The following ERVW-1 variants were observed in gnomAD, a reference collection of about 807,000 sequenced individuals.
The protein encoded by ERVW-1 is syncytin-1.
In ERVW-1, 21 loss-of-function variants were observed where a neutral mutation model predicts 16.6. The observed-to-expected ratio is 1.26, with a 90% CI of 0.90 to 1.82. ERVW-1 has a LOEUF of 1.82. Ranked by LOEUF, ERVW-1 falls within the 40% of genes most tolerant of loss-of-function variation. The pLI, the probability that ERVW-1 is intolerant of heterozygous loss-of-function variation, is 0.00. For missense variants in ERVW-1, 412 were observed against 300.2 expected (o/e 1.37, Z -2.75); for synonymous variants, 161 against 109.8 (o/e 1.47, Z -2.92).
In ERVW-1 at chr7:92,470,464, C is replaced by G. The variant is rs893003193; in HGVS notation, c.-83G>C. The G allele has an allele frequency of 1.6e-6, 1 of 608,076 alleles. No individual in the cohort carries two copies. Among genetic ancestry groups the G allele is most frequent in the African/African-American group, 1.9e-5 (1 of 53,814 alleles). 37.7% of individuals were successfully genotyped at this position (608,076 alleles called of 1,614,324 possible). On this transcript the variant is annotated 5_prime_UTR_variant, in exon 2 of 2. Coordinates refer to ENST00000603053, the MANE Select transcript of ERVW-1 (RefSeq NM_001130925.2). ...ATCCTCTAGAGGTTCACAGGAATAGCTAGCGTTGTCTCCTGGATTTTCAGG... is the reference window on the plus strand; with the variant it reads ...ATCCTCTAGAGGTTCACAGGAATAGGTAGCGTTGTCTCCTGGATTTTCAGG...
In ERVW-1 at chr7:92,468,757, C is replaced by T. The variant is rs56301816; in HGVS notation, c.*8G>A. 0.018 allele frequency: 12,884 copies of T among 710,740 alleles called. 157 individuals are homozygous for T. Among genetic ancestry groups the T allele is most frequent in the Non-Finnish European group, 0.024 (9,480 of 392,048 alleles). 44.0% of individuals were successfully genotyped at this position (710,740 alleles called of 1,614,324 possible). A position where few individuals can be genotyped will look rare whatever the true frequency, so the allele number is the denominator to read the frequency against. On this transcript the variant is annotated 3_prime_UTR_variant, in exon 2 of 2. Coordinates refer to ENST00000603053, the MANE Select transcript of ERVW-1 (RefSeq NM_001130925.2). ...AAGTGCTGTTGGGGAGGTTGGCCGA[C>T]GACCGCTCTAACTGCTTCCTGCTGA... is the stretch of plus-strand genomic sequence containing the variant.
Position 92,468,659 on chromosome 7 carries a change from T to C in ERVW-1, c.*106A>G, listed in dbSNP as rs1027969518. On this transcript the variant is annotated 3_prime_UTR_variant, in exon 2 of 2. Transcript: ENST00000603053. ...GATGTGGTCACCTTCCCAGCTAGGC[T>C]TAGGGATTCTTAGTCAGCCTAGGAA... The C allele has an allele frequency of 2.5e-4, 153 of 606,524 alleles. No individual in the cohort carries two copies. The highest frequency in any genetic ancestry group is 2.4e-3 in the African/African-American group (132 of 54,690). The allele number at this position is 606,524 out of a possible 1,614,324, so 37.6% of individuals were successfully genotyped here.
At chr7:92,476,181 C>A (rs953700208) in intron 1 of ERVW-1, among the ~76,000 whole-genome samples, 1 of 152,212 alleles carries the variant, frequency 6.6e-6, no homozygotes, top group Admixed American at 6.5e-5. Flanking sequence ...GTTGGAGTTA[C>A]ATTACCTTTT....
In ERVW-1 at chr7:92,470,174, G is replaced by A. The variant is rs140717743; in HGVS notation, c.208C>T (p.Arg70Cys). The A allele has an allele frequency of 1.4e-5, 11 of 777,322 alleles. No individual in the cohort carries two copies. The highest frequency in any genetic ancestry group is 3.5e-4 in the Middle Eastern group (1 of 2,822). 48.2% of individuals were successfully genotyped at this position (777,322 alleles called of 1,614,324 possible). A position where few individuals can be genotyped will look rare whatever the true frequency, so the allele number is the denominator to read the frequency against. The change falls in exon 2 of 2, where the codon CGC (arginine) becomes TGC (cysteine). Residue 70 changes from arginine to cysteine, a missense_variant. Arg to Cys is a radical substitution (Grantham distance 180). Coordinates refer to ENST00000603053, the MANE Select transcript of ERVW-1 (RefSeq NM_001130925.2). The stretch of plus-strand genomic sequence containing the variant: ...AGAGTGGCAGAGTGATAGCAGTTGC[G>A]GGGCATATGGGTGTGGGCAGTGAAG... ...PTFTAHTHMP[R>C]NCYHSATLCM...
rs138779740 is a variant in ERVW-1, at chr7:92,470,306, G to A, written c.76C>T (p.Arg26Cys). Reference sequence around the variant, plus strand: ...TAAGGGGAGCTACTGGTCATACAGCGGCATGGAGGGGGTGCAGTGAGAGTG... The same window carrying A: ...TAAGGGGAGCTACTGGTCATACAGCAGCATGGAGGGGGTGCAGTGAGAGTG... ...SFTLTAPPPC[R>C]CMTSSSPYQE... Residue 26 changes from arginine (R) to cysteine (C), a missense_variant, in exon 2 of 2, where the codon CGC (arginine) becomes TGC (cysteine). By Grantham distance (180) the Arg-to-Cys change is radical. Transcript: ENST00000603053. The A allele has an allele frequency of 1.2e-3, 937 of 776,796 alleles. No homozygotes were observed. Among genetic ancestry groups the A allele is most frequent in the Non-Finnish European group, 1.8e-3 (737 of 417,066 alleles). 48.1% of individuals were successfully genotyped at this position (776,796 alleles called of 1,614,324 possible).
rs770119717 is a variant in ERVW-1 at position 92,469,178 on chromosome 7, C to G, written c.1204G>C (p.Glu402Gln). The stretch of plus-strand genomic sequence containing the variant: ...TGATTAACATAATAACAGCATTCTT[C>G]CCCTAAAAATAAACAGGTTCCCCCT... ...ERGGTCLFLG[E>Q]ECCYYVNQSG... The change falls in exon 2 of 2, where the codon GAA becomes CAA. Residue 402 changes from glutamate (E) to glutamine (Q), a missense_variant. Physicochemically the swap from Glu to Gln is conservative, Grantham distance 29 (BLOSUM62 2). Coordinates refer to ENST00000603053, the MANE Select transcript of ERVW-1 (RefSeq NM_001130925.2). 78 of 717,550 alleles carry G rather than the reference C, an allele frequency of 1.1e-4. 1 individual carries two copies. The highest frequency in any genetic ancestry group is 1.1e-3 in the Middle Eastern group (3 of 2,774). The allele number at this position is 717,550 out of a possible 1,614,324, so 44.4% of individuals were successfully genotyped here. A position where few individuals can be genotyped will look rare whatever the true frequency, so the allele number is the denominator to read the frequency against.
intron 1 of ERVW-1, 60 bp from the exon 2 acceptor site, chr7:92,470,668 A>T: frequency 3.4e-6 from 1 of 290,676 alleles, no homozygotes; most frequent in Non-Finnish European, 6.8e-6. Context: ...AGGGTGGAAT[A>T]GTTCTTTTCC....
At chr7:92,471,576 C>T (rs1048199079) in intron 1 of ERVW-1, 1 of 152,154 alleles carries the variant, frequency 6.6e-6, no homozygotes, top group African/African-American at 2.4e-5. Flanking sequence ...CTTGGTTTCC[C>T]GGAGGGGATT....
chr7:92,474,808 A>G (rs979375066), intron 1 of ERVW-1: 1 of 152,046 alleles, frequency 6.6e-6, no homozygotes, highest in Admixed American at 6.6e-5. Context: ...GTCTGTTTTT[A>G]TTTGCTTTAA....
intron 1 of ERVW-1, among the ~76,000 whole-genome samples, chr7:92,476,737 G>T (rs1190645677): frequency 1.3e-5 from 2 of 151,788 alleles, no homozygotes; most frequent in Non-Finnish European, 2.9e-5. Flanking sequence ...CAAACTTGGG[G>T]CCCTGGCAAG....
rs759544433 is a variant in ERVW-1, at chr7:92,469,481, T to A, written c.901A>T (p.Thr301Ser). 7 of 768,930 alleles carry A rather than the reference T, an allele frequency of 9.1e-6. No individual in the cohort carries two copies. The allele number at this position is 768,930 out of a possible 1,614,324, so 47.6% of individuals were successfully genotyped here. A position where few individuals can be genotyped will look rare whatever the true frequency, so the allele number is the denominator to read the frequency against. The change falls in exon 2 of 2, where the codon ACT (threonine) becomes TCT (serine). Residue 301 changes from threonine to serine, a missense_variant. Physicochemically the swap from Thr to Ser is moderately conservative, Grantham distance 58 (BLOSUM62 1). Coordinates refer to ENST00000603053, the MANE Select transcript of ERVW-1 (RefSeq NM_001130925.2). ...ACATAACTGTATAAATCTTGTTCAGTGTAGATGGTCATAGGGGGCACTAAG... is the reference window on the plus strand; with the variant it reads ...ACATAACTGTATAAATCTTGTTCAGAGTAGATGGTCATAGGGGGCACTAAG... ...SFLVPPMTIY[T>S]EQDLYSYVIS...
intron 1 of ERVW-1, chr7:92,471,698 T>C (rs1244007045): frequency 1.3e-5 from 2 of 152,208 alleles, no homozygotes; most frequent in Non-Finnish European, 2.9e-5. Flanking sequence ...TTTCCTTTCC[T>C]TTCTGATGAC....
intron 1 of ERVW-1, among the ~76,000 whole-genome samples, chr7:92,473,807 C>T (rs1383869680): frequency 6.6e-6 from 1 of 151,912 alleles, no homozygotes; most frequent in African/African-American, 2.4e-5. Context: ...AGACAACCTC[C>T]TGGCCCTCAA....
At position 92,477,451 on chromosome 7, in the gene ERVW-1, G is replaced by C. The variant is rs963734001; in HGVS notation, c.-297C>G. 1 of 152,362 alleles carries C rather than the reference G, an allele frequency of 6.6e-6. No homozygotes were observed. Among genetic ancestry groups the C allele is most frequent in the African/African-American group, 2.4e-5 (1 of 41,452 alleles). The allele number at this position is 152,362 out of a possible 1,614,324, so 9.4% of individuals were successfully genotyped here. On this transcript the variant is annotated 5_prime_UTR_variant, in exon 1 of 2. Transcript: ENST00000603053. The stretch of plus-strand genomic sequence containing the variant: ...TCCTTGCTCACAGAGCTCCCAAGAT[G>C]GTGGTGAACCACTTCCAAGATGGTA...
rs1055018971 is a variant in ERVW-1, at chr7:92,468,492, C to T, written c.*273G>A. ...GGCTCGAAGACTTGGGTTTATATCC[C>T]GATCATTGTCCCTCCTGCTGTGCTC... On this transcript the variant is annotated 3_prime_UTR_variant, in exon 2 of 2. Transcript: ENST00000603053. The T allele has an allele frequency of 5.4e-5, 15 of 278,286 alleles. No homozygotes were observed. The highest frequency in any genetic ancestry group is 3.8e-4 in the East Asian group (5 of 13,084). 17.2% of individuals were successfully genotyped at this position (278,286 alleles called of 1,614,324 possible). A position where few individuals can be genotyped will look rare whatever the true frequency, so the allele number is the denominator to read the frequency against.
intron 1 of ERVW-1, chr7:92,472,398 G>A (rs1444908883): frequency 6.6e-6 from 1 of 152,226 alleles, no homozygotes; most frequent in African/African-American, 2.4e-5. Context: ...TAAACAATGA[G>A]GTCAACCCTT....
At chr7:92,475,339 T>C (rs1790494230) in intron 1 of ERVW-1, 2 of 151,748 alleles carry the variant, frequency 1.3e-5, no homozygotes, top group African/African-American at 4.8e-5. Context: ...CCAGCAACCC[T>C]AGTCATTTTC....
chr7:92,468,776 C>G lies in ERVW-1; in HGVS notation c.1606G>C (p.Gly536Arg). 1.4e-6 allele frequency: 1 copy of G among 738,300 alleles called. No individual in the cohort carries two copies. Among genetic ancestry groups the G allele is most frequent in the Non-Finnish European group, 2.5e-6 (1 of 404,932 alleles). The allele number at this position is 738,300 out of a possible 1,614,324, so 45.7% of individuals were successfully genotyped here. ...AQPLLRPNSA[G>R]SS ...GGCCGACGACCGCTCTAACTGCTTCCTGCTGAATTGGGGCGTAGTAGAGGT... is the reference window on the plus strand; with the variant it reads ...GGCCGACGACCGCTCTAACTGCTTCGTGCTGAATTGGGGCGTAGTAGAGGT... Residue 536 changes from glycine (G) to arginine (R), a missense_variant, in exon 2 of 2, where the codon GGA (glycine) becomes CGA (arginine). Physicochemically the swap from Gly to Arg is moderately radical, Grantham distance 125. Transcript: ENST00000603053.
chr7:92,476,046 C>T (rs1247997232), intron 1 of ERVW-1, among the ~76,000 whole-genome samples: 1 of 152,182 alleles, frequency 6.6e-6, no homozygotes. Flanking sequence ...TCCTCAATCA[C>T]CTGGGAGGAA....
Sources: gnomAD v4.1 joint callset for allele counts (sites outside exome capture counted in the v4.1 genomes callset) on GRCh38, gnomAD v4.1.1 for gene constraint, MANE v1.5 for transcripts, NCBI Gene and HGNC (gene_info 2026-07-23, HGNC 2026-07-21) for gene names.